Variants in COMMD10 observed in about 807,000 individuals in gnomAD.
COMMD10 encodes the protein COMM domain containing 10.
A neutral mutation model predicts 28.9 loss-of-function variants in COMMD10; 33 were observed. The observed-to-expected ratio is 1.14, with a 90% confidence interval of 0.87 to 1.53. COMMD10 has a LOEUF of 1.53. Ranked by LOEUF, COMMD10 falls within the 40% of genes most tolerant of loss-of-function variation. The probability of loss-of-function intolerance (pLI) is 0.00; values close to 1 mark genes in which losing one functional copy is unlikely to be tolerated. For missense variants in COMMD10, 310 were observed against 233.4 expected (o/e 1.33, Z -2.14); for synonymous variants, 110 against 81.7 (o/e 1.35, Z -1.87).
chr5:116,204,105 A>G (rs1396425978), intron 5 of COMMD10, among the ~76,000 whole-genome samples: 1 of 152,088 alleles, frequency 6.6e-6, no homozygotes, highest in African/African-American at 2.4e-5. Context: ...CTCTGATAAA[A>G]CAGACTTTAA....
intron 4 of COMMD10, among the ~76,000 whole-genome samples, chr5:116,128,793 A>G (rs764271729): frequency 6.6e-6 from 1 of 151,964 alleles, no homozygotes; most frequent in Non-Finnish European, 1.5e-5. Flanking sequence ...TATACGTGCC[A>G]CTTATTTTAT....
chr5:116,146,892 G>A (rs1446890937), intron 5 of COMMD10, among the ~76,000 whole-genome samples: 1 of 151,748 alleles, frequency 6.6e-6, no homozygotes, highest in East Asian at 1.9e-4. Context: ...CTTTATTTTT[G>A]TTTTTCAAAG....
At chr5:116,183,331 C>A (rs975786127) in intron 5 of COMMD10, among the ~76,000 whole-genome samples, 7 of 152,056 alleles carry the variant, frequency 4.6e-5, no homozygotes, top group African/African-American at 1.7e-4. Flanking sequence ...TTAGCAGACT[C>A]CTTGAGAAAA....
intron 5 of COMMD10, among the ~76,000 whole-genome samples, chr5:116,215,392 G>GC (rs1288820572): frequency 6.6e-6 from 1 of 151,950 alleles, no homozygotes; most frequent in East Asian, 1.9e-4. Context: ...GCTACATCTA[G>GC]CTTTTATAAA....
intron 5 of COMMD10, among the ~76,000 whole-genome samples, chr5:116,170,774 G>A (rs1039707671): frequency 7.2e-5 from 11 of 152,132 alleles, no homozygotes; most frequent in African/African-American, 2.7e-4. Context: ...AGGAAAACTG[G>A]CTAGCCATGT....
At chr5:116,185,058 G>A (rs1748093469) in intron 5 of COMMD10, among the ~76,000 whole-genome samples, 1 of 152,030 alleles carries the variant, frequency 6.6e-6, no homozygotes, top group Non-Finnish European at 1.5e-5. Flanking sequence ...GCACATACAG[G>A]TTTCTTCCCA....
chr5:116,289,711 G>T (rs1393611345), intron 5 of COMMD10, among the ~76,000 whole-genome samples: 1 of 151,856 alleles, frequency 6.6e-6, no homozygotes, highest in African/African-American at 2.4e-5. Context: ...TATTCCACAT[G>T]GGAGAGAGGC....
At chr5:116,228,543 G>C (rs190926787) in intron 5 of COMMD10, among the ~76,000 whole-genome samples, 1 of 151,886 alleles carries the variant, frequency 6.6e-6, no homozygotes, top group Non-Finnish European at 1.5e-5. Flanking sequence ...TAATAGTTTT[G>C]ACAAAGAACC....
chr5:116,178,347 G>A (rs1224544373), intron 5 of COMMD10, among the ~76,000 whole-genome samples: 1 of 151,922 alleles, frequency 6.6e-6, no homozygotes, highest in South Asian at 2.1e-4. Context: ...TTAAGATTCT[G>A]CGATTAATTA....
chr5:116,188,279 G>C (rs910834998), intron 5 of COMMD10, among the ~76,000 whole-genome samples: 5 of 152,106 alleles, frequency 3.3e-5, no homozygotes, highest in African/African-American at 1.2e-4. Flanking sequence ...TTGACTTAAA[G>C]TATGTTCTAC....
chr5:116,127,565 G>T lies in COMMD10; in HGVS notation c.400-6503G>T, dbSNP rs1751702073. Among the ~76,000 whole-genome samples the T allele has an allele frequency of 3.9e-5, 6 of 152,244 alleles. No individual in the cohort carries two copies. In the South Asian group the frequency reaches 1.2e-3, roughly 32 times the overall value. ...TGATAGACTGGATTAAGAAAATGTG[G>T]CACATATACACCATGGAATACTATG... On this transcript the variant is annotated intron_variant, in intron 4 of 6. Coordinates refer to ENST00000274458, the MANE Select transcript of COMMD10 (RefSeq NM_016144.4).
chr5:116,223,926 C>A (rs1360200870), intron 5 of COMMD10, among the ~76,000 whole-genome samples: 1 of 152,116 alleles, frequency 6.6e-6, no homozygotes, highest in Non-Finnish European at 1.5e-5. Flanking sequence ...TTTTATGTTT[C>A]CATGTGCTGA....
chr5:116,232,247 A>G (rs936573238), intron 5 of COMMD10, among the ~76,000 whole-genome samples: 10 of 152,084 alleles, frequency 6.6e-5, no homozygotes, highest in Non-Finnish European at 1.5e-4. Context: ...TTACTGGGTT[A>G]TGATTTTCTA....
intron 5 of COMMD10, among the ~76,000 whole-genome samples, chr5:116,259,644 T>C (rs1750387668): frequency 6.6e-6 from 1 of 151,804 alleles, no homozygotes; most frequent in South Asian, 2.1e-4. Flanking sequence ...TTTTTACTTC[T>C]TGTACTATGT....
At chr5:116,167,881 C>G (rs922390616) in intron 5 of COMMD10, among the ~76,000 whole-genome samples, 30 of 152,062 alleles carry the variant, frequency 2.0e-4, no homozygotes, top group African/African-American at 6.8e-4. Context: ...CAAAAACATA[C>G]AAAATTGTAA....
intron 4 of COMMD10, among the ~76,000 whole-genome samples, chr5:116,123,858 GA>G (rs1337697262): frequency 6.6e-6 from 1 of 152,108 alleles, no homozygotes; most frequent in Non-Finnish European, 1.5e-5. Context: ...TATTTGCATA[GA>G]GGTGTTTATA....
intron 4 of COMMD10, among the ~76,000 whole-genome samples, chr5:116,097,939 C>T (rs1462280785): frequency 6.6e-6 from 1 of 152,192 alleles, no homozygotes; most frequent in African/African-American, 2.4e-5. Flanking sequence ...ATGATCCAGT[C>T]ACCTCCCACC....
chr5:116,087,856 C>G (rs1347486865), intron 2 of COMMD10, among the ~76,000 whole-genome samples: 1 of 152,028 alleles, frequency 6.6e-6, no homozygotes, highest in Non-Finnish European at 1.5e-5. Context: ...TGGCAGGTAA[C>G]ATTTTCCAAA....
At chr5:116,093,211 C>T (rs1750355984) in intron 4 of COMMD10, among the ~76,000 whole-genome samples, 1 of 152,026 alleles carries the variant, frequency 6.6e-6, no homozygotes, top group Admixed American at 6.5e-5. Flanking sequence ...TAAGATATTC[C>T]TGTTTTTGGA....
Sources: gnomAD v4.1 joint callset for allele counts (sites outside exome capture counted in the v4.1 genomes callset) on GRCh38, gnomAD v4.1.1 for gene constraint, MANE v1.5 for transcripts, NCBI Gene and HGNC (gene_info 2026-07-23, HGNC 2026-07-21) for gene names.